Variants in SPATS2L observed in about 807,000 individuals in gnomAD.
SPATS2L encodes SPATS2-like protein.
A neutral mutation model predicts 59.6 loss-of-function variants in SPATS2L; 30 were observed. The ratio of observed to expected loss-of-function variants is 0.50; its 90% CI spans 0.38 to 0.68. The LOEUF (loss-of-function observed/expected upper bound fraction) is 0.68. SPATS2L is among the 30% of genes least tolerant of loss of function. The pLI, the probability that SPATS2L is intolerant of heterozygous loss-of-function variation, is 0.00. For synonymous variants in SPATS2L, 252 were observed against 263.5 expected, an observed-to-expected ratio of 0.96 and a Z score of 0.42; for missense variants, 615 against 700.0, an observed-to-expected ratio of 0.88 and a Z score of 1.37.
At chr2:200,416,124 T>C (rs2083046710) in intron 4 of SPATS2L, among the ~76,000 whole-genome samples, 1 of 152,094 alleles carries the variant, frequency 6.6e-6, no homozygotes, top group African/African-American at 2.4e-5. Flanking sequence ...CGTACGACAA[T>C]ATAATGATAA....
chr2:200,409,081 A>G (rs1380074420), intron 3 of SPATS2L, among the ~76,000 whole-genome samples: 2 of 152,234 alleles, frequency 1.3e-5, no homozygotes, highest in African/African-American at 2.4e-5. Flanking sequence ...TGCAGCTTCA[A>G]ACGGTGGCTT....
intron 6 of SPATS2L, among the ~76,000 whole-genome samples, chr2:200,429,728 T>G (rs1419690999): frequency 6.6e-6 from 1 of 152,186 alleles, no homozygotes; most frequent in African/African-American, 2.4e-5. Flanking sequence ...GTCACTTTAT[T>G]GCCATCTGCT....
intron 6 of SPATS2L, among the ~76,000 whole-genome samples, chr2:200,430,378 C>T (rs1172020452): frequency 6.6e-6 from 1 of 150,786 alleles, no homozygotes; most frequent in African/African-American, 2.4e-5. Flanking sequence ...TTTTGTGTTT[C>T]TGGGTTTAAA....
chr2:200,310,260 C>T (rs1464300930), intron 1 of SPATS2L, among the ~76,000 whole-genome samples: 1 of 152,126 alleles, frequency 6.6e-6, no homozygotes, highest in Non-Finnish European at 1.5e-5. Flanking sequence ...TTTCTTGATC[C>T]GTTTAGCATT....
At chr2:200,474,288 G>A (rs954264349) in intron 12 of SPATS2L, among the ~76,000 whole-genome samples, 1 of 151,974 alleles carries the variant, frequency 6.6e-6, no homozygotes, top group Non-Finnish European at 1.5e-5. Context: ...ATTAGTTAAA[G>A]ATCATAATCA....
At chr2:200,352,968 G>A (rs1043840479) in intron 2 of SPATS2L, among the ~76,000 whole-genome samples, 26 of 152,150 alleles carry the variant, frequency 1.7e-4, no homozygotes, top group Admixed American at 1.7e-3. Context: ...GCTGCCCAAA[G>A]TCTGAACTAC....
chr2:200,333,561 T>C (rs1025520431), intron 2 of SPATS2L, among the ~76,000 whole-genome samples: 9 of 152,136 alleles, frequency 5.9e-5, no homozygotes, highest in African/African-American at 2.2e-4. Context: ...TGCAGGTTTG[T>C]TACATATGTA....
intron 3 of SPATS2L, 183 bp downstream of exon 3, chr2:200,389,466 A>G: frequency 1.9e-6 from 1 of 520,872 alleles, no homozygotes; most frequent in South Asian, 3.0e-5. Context: ...AAAGCATGTT[A>G]AGCATATGAC....
chr2:200,386,483 G>T (rs183056862), intron 2 of SPATS2L, among the ~76,000 whole-genome samples: 2 of 152,110 alleles, frequency 1.3e-5, no homozygotes, highest in Non-Finnish European at 2.9e-5. Context: ...GTTTTCTTAC[G>T]AATATAGCTT....
chr2:200,366,693 T>C (rs920262172), intron 2 of SPATS2L, among the ~76,000 whole-genome samples: 1 of 152,186 alleles, frequency 6.6e-6, no homozygotes, highest in Non-Finnish European at 1.5e-5. Flanking sequence ...TGTAAATAAT[T>C]GCAATAGCTC....
chr2:200,479,325 A>T lies in SPATS2L; in HGVS notation c.*1294A>T. On this transcript the variant is annotated 3_prime_UTR_variant, in exon 13 of 13. Coordinates refer to ENST00000409140, the MANE Select transcript of SPATS2L (RefSeq NM_001100423.2). ...GTCTATTTTCCACACTGTCCAGAGG[A>T]GAGAAGTTATCCTAGTAGCTTCTAC... 1 of 381,634 alleles carries T rather than the reference A, an allele frequency of 2.6e-6. No homozygotes were observed. The allele number at this position is 381,634 out of a possible 1,614,324, so 23.6% of individuals were successfully genotyped here. A position where few individuals can be genotyped will look rare whatever the true frequency, so the allele number is the denominator to read the frequency against.
chr2:200,393,417 C>T lies in SPATS2L; in HGVS notation c.39+4134C>T, dbSNP rs532030111. 8 of 431,838 alleles carry T rather than the reference C, an allele frequency of 1.9e-5. 1 individual carries two copies. Among genetic ancestry groups the T allele is most frequent in the South Asian group, 1.3e-4 (8 of 61,270 alleles). 26.8% of individuals were successfully genotyped at this position (431,838 alleles called of 1,614,324 possible). On this transcript the variant is annotated intron_variant, in intron 3 of 12. Coordinates refer to ENST00000409140, the MANE Select transcript of SPATS2L (RefSeq NM_001100423.2). ...CATGCATAGGCTTAAGAGCCACAGT[C>T]ATCCCACTCCTCATGAGCAGTGTCA...
At chr2:200,332,747 G>A (rs868043583) in intron 2 of SPATS2L, among the ~76,000 whole-genome samples, 65 of 139,570 alleles carry the variant, frequency 4.7e-4, no homozygotes, top group South Asian at 2.0e-3. Context: ...TTTTTTTTTT[G>A]AAAAAAAAAA....
At chr2:200,371,634 A>C (rs2081429825) in intron 2 of SPATS2L, among the ~76,000 whole-genome samples, 2 of 152,226 alleles carry the variant, frequency 1.3e-5, no homozygotes, top group African/African-American at 4.8e-5. Context: ...ACTCTCAAGA[A>C]TAAAGTTCTC....
At chr2:200,424,437 T>C (rs2083443959) in intron 6 of SPATS2L, among the ~76,000 whole-genome samples, 1 of 152,170 alleles carries the variant, frequency 6.6e-6, no homozygotes, top group Non-Finnish European at 1.5e-5. Flanking sequence ...TGCAGTGAGC[T>C]ATGATTGTGC....
At chr2:200,358,810 C>G (rs2081002578) in intron 2 of SPATS2L, among the ~76,000 whole-genome samples, 1 of 151,888 alleles carries the variant, frequency 6.6e-6, no homozygotes, top group Non-Finnish European at 1.5e-5. Context: ...TAGTGAGATC[C>G]CATCTCTATC....
intron 2 of SPATS2L, among the ~76,000 whole-genome samples, chr2:200,376,872 A>G (rs1462233298): frequency 6.6e-6 from 1 of 152,162 alleles, no homozygotes; most frequent in Admixed American, 6.5e-5. Context: ...ATCAGGTGAC[A>G]GTATGAGTTG....
chr2:200,401,550 A>G (rs2082529572), intron 3 of SPATS2L, among the ~76,000 whole-genome samples: 1 of 152,184 alleles, frequency 6.6e-6, no homozygotes, highest in South Asian at 2.1e-4. Context: ...ACTCAGGTAA[A>G]TGAGTTGACA....
intron 3 of SPATS2L, among the ~76,000 whole-genome samples, chr2:200,396,031 A>AAAAAAAAAAAT (rs2082329816): frequency 3.2e-5 from 1 of 30,956 alleles, no homozygotes; most frequent in Admixed American, 5.0e-4. Flanking sequence ...AAAAAAAAAA[A>AAAAAAAAAAAT]AAATATATAT....
Sources: allele counts gnomAD v4.1 joint callset (sites outside exome capture counted in the v4.1 genomes callset), GRCh38; gene constraint gnomAD v4.1.1; transcripts MANE v1.5; gene names NCBI Gene and HGNC (gene_info 2026-07-23, HGNC 2026-07-21).